STAP1: variants seen among roughly 807,000 people sequenced by gnomAD.
The protein encoded by STAP1 is signal transducing adaptor family member 1, also known as signal-transducing adaptor protein 1.
STAP1 carries 30 observed loss-of-function variants against 37.8 expected under a neutral mutation model. The ratio of observed to expected loss-of-function variants is 0.79; its 90% CI spans 0.59 to 1.08. The LOEUF is 1.08. Ranked by LOEUF, STAP1 falls within the 50% of genes least tolerant of loss-of-function variation. STAP1 has a pLI of 0.00. For synonymous variants in STAP1, 130 were observed against 116.0 expected (o/e 1.12, Z -0.78); for missense variants, 357 against 349.4 (o/e 1.02, Z -0.17).
At chr4:67,583,080 G>T (rs1288833407) in intron 5 of STAP1, among the ~76,000 whole-genome samples, 1 of 151,880 alleles carries the variant, frequency 6.6e-6, no homozygotes, top group African/African-American at 2.4e-5. Context: ...TTTTTATTTT[G>T]CACATAAAAA....
chr4:67,593,289 T>C lies in STAP1; in HGVS notation c.759T>C (p.Ile253=). The change falls in exon 8 of 9, where the codon ATT becomes ATC. Residue 253 remains isoleucine (I), a synonymous_variant. Coordinates refer to ENST00000265404, the MANE Select transcript of STAP1 (RefSeq NM_012108.4). ...PVTLPNLFSV[I]DYFVKETRGN... Reference sequence around the variant, plus strand: ...CACTCCCAAACCTTTTCAGTGTCATTGATTATTTTGTGAAGGAGACTCGAG... The same window carrying C: ...CACTCCCAAACCTTTTCAGTGTCATCGATTATTTTGTGAAGGAGACTCGAG... 1 of 1,613,460 alleles carries C rather than the reference T, an allele frequency of 6.2e-7. No individual in the cohort carries two copies. The highest frequency in any genetic ancestry group is 8.5e-7 in the Non-Finnish European group (1 of 1,179,700).
chr4:67,579,961 G>A (rs962074805), intron 4 of STAP1, among the ~76,000 whole-genome samples: 1 of 152,094 alleles, frequency 6.6e-6, no homozygotes, highest in African/African-American at 2.4e-5. Flanking sequence ...CGCCTCCCAG[G>A]TTTAAGCAAT....
At chr4:67,582,389 A>G (rs1478725464) in intron 5 of STAP1, among the ~76,000 whole-genome samples, 1 of 151,720 alleles carries the variant, frequency 6.6e-6, no homozygotes, top group African/African-American at 2.4e-5. Context: ...GCTCACTGCA[A>G]TCTCCACCTC....
At chr4:67,605,170 A>T (rs191273868) in intron 8 of STAP1, among the ~76,000 whole-genome samples, 13 of 152,256 alleles carry the variant, frequency 8.5e-5, no homozygotes, top group South Asian at 4.1e-4. Flanking sequence ...CAGTTCTGTG[A>T]GACTGCAGTT....
At chr4:67,577,151 T>C in intron 3 of STAP1, 52 bp from the exon 4 acceptor site, 1 of 1,494,916 alleles carries the variant, frequency 6.7e-7, no homozygotes. Flanking sequence ...TTATGCTCAA[T>C]CACTCATGTA....
At chr4:67,603,070 C>T (rs1362250406) in intron 8 of STAP1, among the ~76,000 whole-genome samples, 1 of 152,136 alleles carries the variant, frequency 6.6e-6, no homozygotes, top group African/African-American at 2.4e-5. Flanking sequence ...GTGCTCTATT[C>T]TACTGCAGCT....
At chr4:67,602,113 T>C (rs909287716) in intron 8 of STAP1, among the ~76,000 whole-genome samples, 1 of 151,934 alleles carries the variant, frequency 6.6e-6, no homozygotes, top group African/African-American at 2.4e-5. Flanking sequence ...TTCTGCTTGA[T>C]CAATTCTGCC....
intron 6 of STAP1, among the ~76,000 whole-genome samples, chr4:67,588,341 A>AGAT (rs147434467): frequency 3.4e-5 from 5 of 146,772 alleles, no homozygotes; most frequent in African/African-American, 5.0e-5. Flanking sequence ...GCTTTGCCAT[A>AGAT]GACGACGACG....
At chr4:67,605,090 C>T (rs1728422019) in intron 8 of STAP1, among the ~76,000 whole-genome samples, 1 of 152,158 alleles carries the variant, frequency 6.6e-6, no homozygotes, top group Non-Finnish European at 1.5e-5. Context: ...TCTCGAGCCG[C>T]CAAGGGTCCT....
At chr4:67,591,689 T>C (rs2109871987) in intron 7 of STAP1, among the ~76,000 whole-genome samples, 1 of 152,300 alleles carries the variant, frequency 6.6e-6, no homozygotes, top group South Asian at 2.1e-4. Context: ...ATTTACCTAG[T>C]TCCTCTGCTT....
chr4:67,594,933 GC>G (rs1296306270), intron 8 of STAP1, among the ~76,000 whole-genome samples: 1 of 151,980 alleles, frequency 6.6e-6, no homozygotes, highest in African/African-American at 2.4e-5. Flanking sequence ...ACCGATACAA[GC>G]TTTTTGTGTG....
intron 5 of STAP1, among the ~76,000 whole-genome samples, chr4:67,582,403 G>A (rs947006295): frequency 1.3e-5 from 2 of 151,770 alleles, no homozygotes; most frequent in Non-Finnish European, 2.9e-5. Context: ...CCACCTCTGG[G>A]TCTCAAACGA....
Position 67,590,902 on chromosome 4 carries a change from C to G in STAP1, c.678C>G (p.His226Gln). ...ATTGTAGCATTCCAAGAATCAAGCA[C>G]TACAAAGTGATGAGCGTAGGACAAA... ...RQEIDIPRIK[H>Q]YKVMSVGQNY... is the part of the protein sequence containing the mutation. Residue 226 changes from histidine (H) to glutamine (Q), a missense_variant, in exon 7 of 9, where the codon CAC becomes CAG. Physicochemically the swap from His to Gln is conservative, Grantham distance 24. Coordinates refer to ENST00000265404, the MANE Select transcript of STAP1 (RefSeq NM_012108.4). 6.2e-7 allele frequency: 1 copy of G among 1,612,322 alleles called. No homozygotes were observed. The highest frequency in any genetic ancestry group is 8.5e-7 in the Non-Finnish European group (1 of 1,179,274).
At chr4:67,559,517 C>G (rs188306367) in intron 1 of STAP1, among the ~76,000 whole-genome samples, 1 of 152,126 alleles carries the variant, frequency 6.6e-6, no homozygotes, top group Admixed American at 6.5e-5. Context: ...ATTAAGTACA[C>G]TAAGCTACAT....
At chr4:67,583,826 CG>C in intron 6 of STAP1, 124 bp downstream of exon 6, 21 of 1,130,246 alleles carry the variant, frequency 1.9e-5, no homozygotes, top group Non-Finnish European at 2.4e-5. Context: ...TGGCCGGGTG[CG>C]GTGGCTCACG....
At chr4:67,600,748 T>C (rs1728320909) in intron 8 of STAP1, among the ~76,000 whole-genome samples, 1 of 152,204 alleles carries the variant, frequency 6.6e-6, no homozygotes, top group African/African-American at 2.4e-5. Flanking sequence ...ATAATGACCT[T>C]TCTTTTTATA....
chr4:67,559,448 T>G (rs1727284778), intron 1 of STAP1, among the ~76,000 whole-genome samples: 6 of 152,130 alleles, frequency 3.9e-5, no homozygotes, highest in Admixed American at 3.9e-4. Flanking sequence ...TATATAGTTA[T>G]GTGTTCTAAA....
intron 1 of STAP1, among the ~76,000 whole-genome samples, chr4:67,560,796 C>T (rs1425456501): frequency 6.6e-6 from 1 of 151,976 alleles, no homozygotes; most frequent in Non-Finnish European, 1.5e-5. Flanking sequence ...GGACTACAAG[C>T]GCATACCACA....
chr4:67,587,912 C>T (rs761660118), intron 6 of STAP1, among the ~76,000 whole-genome samples: 11 of 150,960 alleles, frequency 7.3e-5, no homozygotes, highest in Admixed American at 2.6e-4. Context: ...TTAGTACAGA[C>T]GGGGTTTCTC....
Sources: allele counts gnomAD v4.1 joint callset (sites outside exome capture counted in the v4.1 genomes callset), GRCh38; gene constraint gnomAD v4.1.1; transcripts MANE v1.5; gene names NCBI Gene and HGNC (gene_info 2026-07-23, HGNC 2026-07-21).